Variants in CPNE5 observed in about 807,000 individuals in gnomAD.
CPNE5 encodes copine-5.
A neutral mutation model predicts 81.1 loss-of-function variants in CPNE5; 42 were observed. The observed-to-expected ratio is 0.52, with a 90% CI of 0.40 to 0.67. The LOEUF (loss-of-function observed/expected upper bound fraction) is 0.67, where lower values mean the gene tolerates loss of function less well. Ranked by LOEUF, CPNE5 falls within the 30% of genes least tolerant of loss-of-function variation. The pLI, the probability that CPNE5 is intolerant of heterozygous loss-of-function variation, is 0.00. For synonymous variants in CPNE5, 313 were observed against 321.5 expected, an observed-to-expected ratio of 0.97 and a Z score of 0.28; for missense variants, 612 against 815.5, an observed-to-expected ratio of 0.75 and a Z score of 3.04.
chr6:36,825,194 C>G (rs1772396577), intron 1 of CPNE5, among the ~76,000 whole-genome samples: 1 of 152,150 alleles, frequency 6.6e-6, no homozygotes, highest in Admixed American at 6.5e-5. Flanking sequence ...ACCACTCATG[C>G]CCCACGCCCT....
Position 36,753,132 on chromosome 6 carries a change from T to C in CPNE5, c.910-37A>G. ...AAGGGAGCTTGGTCAGTGGGGAGCC[T>C]GGGGTCAGGGGAGATGGGTTATGAT... On this transcript the variant is annotated intron_variant, in intron 13 of 20. Coordinates refer to ENST00000244751, the MANE Select transcript of CPNE5 (RefSeq NM_020939.2). The C allele has an allele frequency of 3.2e-6, 5 of 1,578,448 alleles. No individual in the cohort carries two copies. The African/African-American group carries it at 4.0e-5, about 13-fold the overall frequency.
intron 3 of CPNE5, among the ~76,000 whole-genome samples, chr6:36,819,692 C>T (rs948133311): frequency 3.3e-5 from 5 of 152,120 alleles, no homozygotes; most frequent in Non-Finnish European, 7.4e-5. Context: ...TGCACTGTCC[C>T]CCTCCCTTCC....
At chr6:36,820,411 G>A (rs236380) in intron 3 of CPNE5, among the ~76,000 whole-genome samples, 4,183 of 139,136 alleles carry the variant, frequency 0.03, 204 homozygotes, top group African/African-American at 0.1. Flanking sequence ...GTACGATCTC[G>A]GCTCACTGCA....
At chr6:36,753,926 C>T (rs762204105) in intron 13 of CPNE5, among the ~76,000 whole-genome samples, 11 of 152,252 alleles carry the variant, frequency 7.2e-5, no homozygotes, top group Non-Finnish European at 1.5e-4. Flanking sequence ...TTGGGAGCCC[C>T]CTATTCATGA....
At chr6:36,774,872 C>G (rs576974435) in intron 10 of CPNE5, 89 bp downstream of exon 10, 1 of 985,868 alleles carries the variant, frequency 1.0e-6, no homozygotes, top group African/African-American at 1.6e-5. Context: ...TGGGACTGAC[C>G]ACGTCAATAT....
chr6:36,816,573 G>A (rs1771561655), intron 3 of CPNE5, among the ~76,000 whole-genome samples: 1 of 152,200 alleles, frequency 6.6e-6, no homozygotes, highest in South Asian at 2.1e-4. Flanking sequence ...TAACAGAGAG[G>A]TGATTTGTTC....
In CPNE5 at chr6:36,775,004, A is replaced by C; in HGVS notation, c.694T>G (p.Phe232Val). ...CAGAGGGCTCTCACGGGAATGGAGA[A>C]AGTTTGCCAGACTGGATTTAGGGTG... ...KNTLNPVWQTFSIPVRALCNG... is the reference protein window; with the variant it reads ...KNTLNPVWQTVSIPVRALCNG... Residue 232 changes from phenylalanine to valine, a missense_variant, in exon 10 of 21, where the codon TTC becomes GTC. Phe to Val is a conservative substitution (Grantham distance 50). Transcript: ENST00000244751. 1 of 1,614,200 alleles carries C rather than the reference A, an allele frequency of 6.2e-7. No homozygotes were observed. Among genetic ancestry groups the C allele is most frequent in the Non-Finnish European group, 8.5e-7 (1 of 1,180,024 alleles).
At chr6:36,838,384 C>G (rs2150639610) in intron 1 of CPNE5, among the ~76,000 whole-genome samples, 1 of 152,322 alleles carries the variant, frequency 6.6e-6, no homozygotes, top group Admixed American at 6.5e-5. Context: ...GCACATGATC[C>G]TAGGCCAGCC....
chr6:36,787,895 T>C (rs1768712600), intron 8 of CPNE5, among the ~76,000 whole-genome samples: 1 of 152,028 alleles, frequency 6.6e-6, no homozygotes, highest in African/African-American at 2.4e-5. Context: ...AAAGACGTAC[T>C]ATCCTGAGCC....
intron 9 of CPNE5, 137 bp downstream of exon 9, chr6:36,778,717 C>T (rs919519214): frequency 5.7e-5 from 38 of 663,276 alleles, no homozygotes; most frequent in Middle Eastern, 4.3e-4. Flanking sequence ...CGGACTTCCA[C>T]CCAGAGCCCT....
At chr6:36,801,427 C>A (rs1770086953) in intron 3 of CPNE5, among the ~76,000 whole-genome samples, 1 of 152,138 alleles carries the variant, frequency 6.6e-6, no homozygotes, top group African/African-American at 2.4e-5. Context: ...GGATCCAAGT[C>A]CCCTGGAGGC....
intron 2 of CPNE5, among the ~76,000 whole-genome samples, chr6:36,822,849 G>C (rs1465341410): frequency 6.6e-6 from 1 of 152,116 alleles, no homozygotes; most frequent in African/African-American, 2.4e-5. Flanking sequence ...CTGTTGTGTT[G>C]AGGCTTCACA....
intron 10 of CPNE5, among the ~76,000 whole-genome samples, chr6:36,769,118 G>C (rs1766835763): frequency 2.0e-5 from 3 of 152,148 alleles, no homozygotes; most frequent in South Asian, 4.1e-4. Flanking sequence ...TTGTTTGTTT[G>C]TTTCCTGCTG....
intron 3 of CPNE5, among the ~76,000 whole-genome samples, chr6:36,805,998 C>T (rs530840525): frequency 1.3e-5 from 2 of 152,298 alleles, no homozygotes; most frequent in East Asian, 1.9e-4. Context: ...ACAGCAGTGT[C>T]GCCAAACTGC....
At chr6:36,794,484 A>C (rs748455907) in intron 7 of CPNE5, 106 bp downstream of exon 7, 4 of 1,098,438 alleles carry the variant, frequency 3.6e-6, no homozygotes, top group Non-Finnish European at 5.4e-6. Context: ...ATCAGGGCCA[A>C]ATTCGCAGTG....
At chr6:36,817,241 T>C (rs1408539922) in intron 3 of CPNE5, among the ~76,000 whole-genome samples, 24 of 152,082 alleles carry the variant, frequency 1.6e-4, no homozygotes, top group Admixed American at 1.6e-3. Context: ...AGGAATATCA[T>C]TTGAACCTGG....
chr6:36,802,774 G>C (rs888490646), intron 3 of CPNE5, among the ~76,000 whole-genome samples: 1 of 152,156 alleles, frequency 6.6e-6, no homozygotes, highest in African/African-American at 2.4e-5. Context: ...AAGGGGTTGG[G>C]TGCGGTGGCT....
Position 36,765,344 on chromosome 6 carries a change from C to A in CPNE5, c.770G>T (p.Arg257Leu), listed in dbSNP as rs765487335. The change falls in exon 11 of 21, where the codon CGG (arginine) becomes CTG (leucine). Residue 257 changes from arginine (R) to leucine (L), a missense_variant. Physicochemically the swap from Arg to Leu is moderately radical, Grantham distance 102. Transcript: ENST00000244751. ...CCTCCTGCCTGCTTACCTGCCGTCC[C>A]GATCCCAGTCGTACACCTCCACCTT... ...TIKVEVYDWD[R>L]DGSHDFIGEF... 1 of 1,613,948 alleles carries A rather than the reference C, an allele frequency of 6.2e-7. No individual in the cohort carries two copies. The highest frequency in any genetic ancestry group is 1.3e-5 in the African/African-American group (1 of 74,922).
At chr6:36,781,468 C>T (rs1354297815) in intron 8 of CPNE5, among the ~76,000 whole-genome samples, 1 of 152,164 alleles carries the variant, frequency 6.6e-6, no homozygotes, top group East Asian at 1.9e-4. Context: ...GCCTAAAGTC[C>T]TAGAGTGCAT....
Sources: gnomAD v4.1 joint callset for allele counts (sites outside exome capture counted in the v4.1 genomes callset) on GRCh38, gnomAD v4.1.1 for gene constraint, MANE v1.5 for transcripts, NCBI Gene and HGNC (gene_info 2026-07-23, HGNC 2026-07-21) for gene names.